BPIFA2: variants seen among roughly 807,000 people sequenced by gnomAD.
BPIFA2 encodes the protein BPI fold-containing family A member 2.
Under a neutral mutation model 25.7 loss-of-function variants are expected in BPIFA2, and 20 were observed. The observed-to-expected ratio is 0.78, with a 90% confidence interval of 0.55 to 1.13. The LOEUF (loss-of-function observed/expected upper bound fraction) is 1.13. BPIFA2 is among the 50% of genes most tolerant of loss of function. BPIFA2 has a pLI of 0.00. For missense variants in BPIFA2, 300 were observed against 298.1 expected (o/e 1.01, Z -0.05); for synonymous variants, 126 against 124.3 (o/e 1.01, Z -0.09).
intron 2 of BPIFA2, among the ~76,000 whole-genome samples, chr20:33,170,859 G>A (rs1052213201): frequency 2.6e-5 from 4 of 152,144 alleles, no homozygotes; most frequent in Admixed American, 1.3e-4. Flanking sequence ...GTTTTTTATG[G>A]TTTTGGGTTT....
upstream of BPIFA2, among the ~76,000 whole-genome samples, chr20:33,165,509 A>G (rs1223686496): frequency 6.6e-6 from 1 of 152,152 alleles, no homozygotes; most frequent in Non-Finnish European, 1.5e-5. Context: ...CCCCTCATGC[A>G]ACCCCAGCCC....
intron 7 of BPIFA2, 60 bp downstream of exon 7, chr20:33,179,727 A>G (rs2146458384): frequency 6.7e-7 from 1 of 1,491,876 alleles, no homozygotes; most frequent in Non-Finnish European, 9.3e-7. Context: ...TGCCCACCCC[A>G]TAAGCAGTTC....
upstream of BPIFA2, among the ~76,000 whole-genome samples, chr20:33,164,703 T>G (rs2059523819): frequency 7.9e-6 from 1 of 126,954 alleles, no homozygotes; most frequent in South Asian, 2.1e-4. Flanking sequence ...TCTTTTTCCT[T>G]TCTTTCCTGC....
At position 33,178,160 on chromosome 20, in the gene BPIFA2, A is replaced by G; in HGVS notation, c.577A>G (p.Ile193Val). ...TGTGTTTTCCAGACACAGCCAAATC[A>G]TCAACAAGTTCGTGAATAGCGTGAT... ...LSLLDKHSQIINKFVNSVINT... is the reference protein window; with the variant it reads ...LSLLDKHSQIVNKFVNSVINT... The change falls in exon 6 of 9, where the codon ATC becomes GTC. Residue 193 changes from isoleucine to valine, a missense_variant. Transcript: ENST00000354932. The G allele has an allele frequency of 6.2e-7, 1 of 1,604,966 alleles. No homozygotes were observed. The highest frequency in any genetic ancestry group is 8.5e-7 in the Non-Finnish European group (1 of 1,173,416).
At chr20:33,166,285 G>A (rs1020884775), upstream of BPIFA2, among the ~76,000 whole-genome samples, 1 of 152,108 alleles carries the variant, frequency 6.6e-6, no homozygotes, top group Non-Finnish European at 1.5e-5. Flanking sequence ...CCAAAGTGCT[G>A]GGATTACAGG....
upstream of BPIFA2, among the ~76,000 whole-genome samples, chr20:33,164,216 A>G (rs747874158): frequency 1.3e-5 from 2 of 152,186 alleles, no homozygotes; most frequent in Non-Finnish European, 2.9e-5. Context: ...ACAATAAATA[A>G]ATGGACAGAT....
At chr20:33,166,738 CT>C (rs534709816), upstream of BPIFA2, among the ~76,000 whole-genome samples, 7 of 152,222 alleles carry the variant, frequency 4.6e-5, no homozygotes, top group Non-Finnish European at 8.8e-5. Flanking sequence ...CACCATGCCT[CT>C]GAGATCCAGG....
At position 33,169,113 on chromosome 20, in the gene BPIFA2, C is replaced by A; in HGVS notation, c.-15-18C>A. 1 of 1,604,202 alleles carries A rather than the reference C, an allele frequency of 6.2e-7. No individual in the cohort carries two copies. Among genetic ancestry groups the A allele is most frequent in the Non-Finnish European group, 8.5e-7 (1 of 1,171,910 alleles). Reference sequence around the variant, plus strand: ...CCTCTGGGCAATTCTCACTCCTGTTCTTCCCATGACTGTCCAGGTGTCAAG... The same window carrying A: ...CCTCTGGGCAATTCTCACTCCTGTTATTCCCATGACTGTCCAGGTGTCAAG... On this transcript the variant is annotated intron_variant, in intron 1 of 8. Transcript: ENST00000354932.
At chr20:33,177,954 G>T (rs1050036263) in intron 5 of BPIFA2, among the ~76,000 whole-genome samples, 193 bp from the exon 6 acceptor site, 13 of 152,296 alleles carry the variant, frequency 8.5e-5, no homozygotes, top group Admixed American at 3.9e-4. Flanking sequence ...GAGGCACTGG[G>T]GTGAGCCGCT....
At chr20:33,171,861 C>T (rs574188512) in intron 2 of BPIFA2, among the ~76,000 whole-genome samples, 37 of 152,084 alleles carry the variant, frequency 2.4e-4, no homozygotes, top group Non-Finnish European at 4.6e-4. Context: ...CCAGAAATAC[C>T]ATTTGACCCA....
chr20:33,171,487 A>G (rs895865645), intron 2 of BPIFA2, among the ~76,000 whole-genome samples: 1 of 152,218 alleles, frequency 6.6e-6, no homozygotes, highest in Admixed American at 6.5e-5. Flanking sequence ...CAATCTATCT[A>G]TCTGACAAAG....
chr20:33,167,732 C>T (rs1007814897), upstream of BPIFA2, among the ~76,000 whole-genome samples: 6 of 152,212 alleles, frequency 3.9e-5, no homozygotes, highest in Middle Eastern at 3.2e-3. Flanking sequence ...AGACCCATCT[C>T]GGTCCCTGTC....
chr20:33,180,628 C>T (rs1984246437), intron 8 of BPIFA2, 31 bp downstream of exon 8: 2 of 1,513,724 alleles, frequency 1.3e-6, no homozygotes, highest in African/African-American at 2.7e-5. Flanking sequence ...CCCCAATGCA[C>T]AGGGGCCTAT....
chr20:33,168,140 C>T (rs959429103), upstream of BPIFA2: 9 of 78,946 alleles, frequency 1.1e-4, no homozygotes, highest in Non-Finnish European at 2.5e-4. Flanking sequence ...TAATAGCCGC[C>T]ACCATTCAGC....
chr20:33,171,615 T>A (rs1051981174), intron 2 of BPIFA2, among the ~76,000 whole-genome samples: 9 of 152,194 alleles, frequency 5.9e-5, no homozygotes, highest in African/African-American at 2.2e-4. Flanking sequence ...GACATTTATG[T>A]GGCCAACAAA....
In BPIFA2 at chr20:33,180,564, G is replaced by T. The variant is rs772570163; in HGVS notation, c.*4G>T. 3 of 1,611,760 alleles carry T rather than the reference G, an allele frequency of 1.9e-6. No homozygotes were observed. Among genetic ancestry groups the T allele is most frequent in the Non-Finnish European group, 1.7e-6 (2 of 1,177,852 alleles). ...CCAGCTGCAAACCCTCATCTGAAGAGGACGAATGAGGAGGACCACTGTGGT... is the reference window on the plus strand; with the variant it reads ...CCAGCTGCAAACCCTCATCTGAAGATGACGAATGAGGAGGACCACTGTGGT... On this transcript the variant is annotated 3_prime_UTR_variant, in exon 8 of 9. Coordinates refer to ENST00000354932, the MANE Select transcript of BPIFA2 (RefSeq NM_080574.4).
chr20:33,167,011 AGGGGTCTAAT>A (rs1983746527), upstream of BPIFA2, among the ~76,000 whole-genome samples: 1 of 152,216 alleles, frequency 6.6e-6, no homozygotes, highest in African/African-American at 2.4e-5. Context: ...AGACTGCAGC[AGGGGTCTAAT>A]GGTCTGGGCT....
rs371156549 is a variant in BPIFA2, at chr20:33,180,586, T to A, written c.*26T>A. The A allele has an allele frequency of 3.1e-6, 5 of 1,603,628 alleles. No homozygotes were observed. Among genetic ancestry groups the A allele is most frequent in the African/African-American group, 1.3e-5 (1 of 74,624 alleles). On this transcript the variant is annotated 3_prime_UTR_variant, in exon 8 of 9. Coordinates refer to ENST00000354932, the MANE Select transcript of BPIFA2 (RefSeq NM_080574.4). ...AGAGGACGAATGAGGAGGACCACTG[T>A]GGTGCATGCTGGTGAGGAGCCAGTC...
chr20:33,162,902 T>A (rs1379835248), intron 1 of BPIFA2, among the ~76,000 whole-genome samples: 2 of 152,232 alleles, frequency 1.3e-5, no homozygotes, highest in African/African-American at 4.8e-5. Flanking sequence ...CATTCAGTGC[T>A]TAAAGGAAGG....
Sources: allele counts gnomAD v4.1 joint callset (sites outside exome capture counted in the v4.1 genomes callset), GRCh38; gene constraint gnomAD v4.1.1; transcripts MANE v1.5; gene names NCBI Gene and HGNC (gene_info 2026-07-23, HGNC 2026-07-21).